The following KCNT1 variants were observed in gnomAD, a reference collection of about 807,000 sequenced individuals.
The protein encoded by KCNT1 is potassium channel subfamily T member 1.
KCNT1 carries 78 observed loss-of-function variants against 147.8 expected under a neutral mutation model. That is an observed-to-expected ratio of 0.53 (90% CI 0.44 to 0.64). The LOEUF is 0.64. Ranked by LOEUF, KCNT1 falls within the 30% of genes least tolerant of loss-of-function variation. The pLI, the probability that KCNT1 is intolerant of heterozygous loss-of-function variation, is 0.00. For missense variants in KCNT1, 1,419 were observed against 1,750.3 expected, an observed-to-expected ratio of 0.81 and a Z score of 3.38; for synonymous variants, 867 against 748.8, an observed-to-expected ratio of 1.16 and a Z score of -2.58.
chr9:135,709,023 A>G (rs1312742900), intron 1 of KCNT1, among the ~76,000 whole-genome samples: 1 of 152,206 alleles, frequency 6.6e-6, no homozygotes, highest in African/African-American at 2.4e-5. Flanking sequence ...TCCGTTTGCC[A>G]TAACACACAT....
intron 4 of KCNT1, 29 bp downstream of exon 4, chr9:135,751,070 G>T: frequency 6.3e-7 from 1 of 1,586,404 alleles, no homozygotes; most frequent in Non-Finnish European, 8.6e-7. Context: ...CGGGCGCGGG[G>T]TCCCGGGTCC....
intron 2 of KCNT1, among the ~76,000 whole-genome samples, chr9:135,741,117 A>G (rs1196603531): frequency 6.6e-6 from 1 of 152,048 alleles, no homozygotes; most frequent in Non-Finnish European, 1.5e-5. Context: ...ATCAGTGGGG[A>G]CGGCTGTCCT....
intron 2 of KCNT1, among the ~76,000 whole-genome samples, chr9:135,748,741 C>G (rs1461938438): frequency 1.3e-5 from 2 of 152,226 alleles, no homozygotes; most frequent in African/African-American, 4.8e-5. Flanking sequence ...TCTGTCTGCC[C>G]TACTGTGTTG....
chr9:135,724,086 A>G (rs1836031672), intron 2 of KCNT1, among the ~76,000 whole-genome samples: 1 of 152,132 alleles, frequency 6.6e-6, no homozygotes, highest in Non-Finnish European at 1.5e-5. Flanking sequence ...TTTATCCATC[A>G]TGGGCCCCTG....
chr9:135,767,577 C>T (rs989365023), intron 13 of KCNT1, among the ~76,000 whole-genome samples: 1 of 152,050 alleles, frequency 6.6e-6, no homozygotes, highest in African/African-American at 2.4e-5. Context: ...CTCCTGCACC[C>T]CAACCCAGCC....
chr9:135,712,183 C>T (rs1835527007), intron 1 of KCNT1, among the ~76,000 whole-genome samples: 4 of 152,198 alleles, frequency 2.6e-5, no homozygotes, highest in Middle Eastern at 6.8e-3. Context: ...TGCTGTGTCC[C>T]GTCACCTCAG....
At chr9:135,709,437 C>T (rs1411859785) in intron 1 of KCNT1, among the ~76,000 whole-genome samples, 1 of 152,110 alleles carries the variant, frequency 6.6e-6, no homozygotes, top group Non-Finnish European at 1.5e-5. Context: ...TCAAAAATGT[C>T]CCCAGGTAGA....
intron 23 of KCNT1, 149 bp from the exon 24 acceptor site, chr9:135,779,210 A>G: frequency 7.3e-6 from 2 of 273,588 alleles, no homozygotes; most frequent in Non-Finnish European, 1.3e-5. Context: ...TGAGACCCCC[A>G]TAGCCAAGAC....
In KCNT1 at chr9:135,770,668, A is replaced by G. The variant is rs554556756; in HGVS notation, c.1770-189A>G. On this transcript the variant is annotated intron_variant, in intron 17 of 30. Transcript: ENST00000371757. ...GCTCCTCCCTGAGGCTTGTGGGCTG[A>G]CCCCAGCTCTCTGGTCCCCAACACC... is the stretch of plus-strand genomic sequence containing the variant. Among the ~76,000 whole-genome samples the G allele has an allele frequency of 1.1e-4, 16 of 152,206 alleles. No individual in the cohort carries two copies. The South Asian group carries it at 3.3e-3, about 32-fold the overall frequency.
chr9:135,709,772 C>G (rs553220831), intron 1 of KCNT1, among the ~76,000 whole-genome samples: 1 of 152,354 alleles, frequency 6.6e-6, no homozygotes, highest in East Asian at 1.9e-4. Context: ...CCTCCGCCTC[C>G]TGGGTTCCAA....
rs768590226 is a variant in KCNT1 at position 135,772,959 on chromosome 9, G to A, written c.2243+10G>A. The stretch of plus-strand genomic sequence containing the variant: ...GGCTCTCCGTGGTAGAGTGAGTGCT[G>A]CCTTGGAGACGGCTCCCAGTGGGGG... On this transcript the variant is annotated intron_variant, in intron 19 of 30. Transcript: ENST00000371757. 2.7e-5 allele frequency: 39 copies of A among 1,448,082 alleles called. No individual in the cohort carries two copies. Among genetic ancestry groups the A allele is most frequent in the Non-Finnish European group, 3.4e-5 (37 of 1,100,102 alleles). 89.7% of individuals were successfully genotyped at this position (1,448,082 alleles called of 1,614,324 possible).
chr9:135,762,461 A>G (rs1831981525), intron 11 of KCNT1, among the ~76,000 whole-genome samples: 1 of 152,038 alleles, frequency 6.6e-6, no homozygotes, highest in Non-Finnish European at 1.5e-5. Context: ...AGAAAAAGAA[A>G]AAAGGGCCAG....
At chr9:135,742,068 T>C (rs982614209) in intron 2 of KCNT1, among the ~76,000 whole-genome samples, 25 of 152,312 alleles carry the variant, frequency 1.6e-4, no homozygotes, top group African/African-American at 5.8e-4. Flanking sequence ...GGGGCCAGGT[T>C]GCCTGGGGCC....
Position 135,714,607 on chromosome 9 carries a change from G to A in KCNT1, c.141G>A (p.Leu47=). The change falls in exon 2 of 31, where the codon CTG becomes CTA. Residue 47 remains leucine, a synonymous_variant. Transcript: ENST00000371757. This position sits in a 1 kb window ranked among gnomAD's most constrained non-coding sequence, Gnocchi z 6.2. The stretch of plus-strand genomic sequence containing the variant: ...CCTGCGCGGGGGACGGCGCGCTCCT[G>A]GACACCGCCGGCTTCAAGATGAGCG... ...RRPCAGDGAL[L]DTAGFKMSDL... The A allele has an allele frequency of 6.9e-7, 1 of 1,439,648 alleles. No homozygotes were observed. The highest frequency in any genetic ancestry group is 1.3e-5 in the South Asian group (1 of 79,120). The allele number at this position is 1,439,648 out of a possible 1,614,324, so 89.2% of individuals were successfully genotyped here.
chr9:135,746,991 G>A (rs1272273739), intron 2 of KCNT1, among the ~76,000 whole-genome samples: 3 of 152,110 alleles, frequency 2.0e-5, no homozygotes, highest in Admixed American at 2.0e-4. Flanking sequence ...TCTGCCTCGG[G>A]GAGGGGGAGC....
chr9:135,772,559 G>A (rs1832829485), intron 18 of KCNT1, among the ~76,000 whole-genome samples, 156 bp from the exon 19 acceptor site: 1 of 152,196 alleles, frequency 6.6e-6, no homozygotes. Context: ...GTATGGAGGG[G>A]GAAACTGAGG....
intron 11 of KCNT1, among the ~76,000 whole-genome samples, chr9:135,762,661 G>A (rs1171675063): frequency 6.6e-6 from 1 of 152,038 alleles, no homozygotes; most frequent in Non-Finnish European, 1.5e-5. Flanking sequence ...GAGGTGGGAG[G>A]ATCACTTAAG....
Position 135,788,760 on chromosome 9 carries a change from C to T in KCNT1, c.3502+2239C>T, listed in dbSNP as rs565996120. The stretch of plus-strand genomic sequence containing the variant: ...GCTCCACGAGGGGATTCTTCCTGCT[C>T]GGCTCGAGCAGAGCCGCTCCACACC... On this transcript the variant is annotated intron_variant, in intron 29 of 30. Coordinates refer to ENST00000371757, the MANE Select transcript of KCNT1 (RefSeq NM_020822.3). Among the ~76,000 whole-genome samples the T allele has an allele frequency of 1.7e-3, 258 of 152,320 alleles. 2 individuals carry two copies. The highest frequency in any genetic ancestry group is 1.8e-3 in the Admixed American group (28 of 15,304).
chr9:135,765,200 G>A lies in KCNT1; in HGVS notation c.1200+5G>A. The stretch of plus-strand genomic sequence containing the variant: ...TACGCCCACCCCCGGCTCCAGGTGA[G>A]GCCCCTTACCGTGGCCCAGCAGACG... On this transcript the variant is annotated splice_donor_5th_base_variant and intron_variant, in intron 12 of 30. Transcript: ENST00000371757. 2 of 1,609,008 alleles carry A rather than the reference G, an allele frequency of 1.2e-6. No homozygotes were observed. The highest frequency in any genetic ancestry group is 8.5e-7 in the Non-Finnish European group (1 of 1,176,428).
Sources: gnomAD v4.1 joint callset for allele counts (sites outside exome capture counted in the v4.1 genomes callset) on GRCh38, gnomAD v4.1.1 for gene constraint, Gnocchi (gnomAD v3.1) non-coding constraint, MANE v1.5 for transcripts, NCBI Gene and HGNC (gene_info 2026-07-23, HGNC 2026-07-21) for gene names.